The following RPS6KA1 variants were observed in gnomAD, a reference collection of about 807,000 sequenced individuals.
RPS6KA1 encodes the protein ribosomal protein S6 kinase alpha-1.
RPS6KA1 carries 48 observed loss-of-function variants against 91.3 expected under a neutral mutation model. The observed-to-expected ratio is 0.53, with a 90% CI of 0.42 to 0.67. The LOEUF (loss-of-function observed/expected upper bound fraction) is 0.67, where lower values mean the gene tolerates loss of function less well. Among genes scored for constraint, RPS6KA1 ranks in the 30% least tolerant of loss-of-function variants. The pLI is 0.00. For synonymous variants in RPS6KA1, 359 were observed against 384.7 expected, an observed-to-expected ratio of 0.93 and a Z score of 0.78; for missense variants, 719 against 960.5, an observed-to-expected ratio of 0.75 and a Z score of 3.32.
In RPS6KA1 at chr1:26,554,311, G is replaced by A; in HGVS notation, c.613+60G>A. ...GGGAGGACAGGACAAGGTCATGATA[G>A]GTCTCGGCTGAGTGCTGGGGGCTCA... is the stretch of plus-strand genomic sequence containing the variant. On this transcript the variant is annotated intron_variant, in intron 8 of 21. Transcript: ENST00000374168. This position sits in a 1 kb window ranked among gnomAD's most constrained non-coding sequence, Gnocchi z 4.6. 1.3e-6 allele frequency: 2 copies of A among 1,510,312 alleles called. No individual in the cohort carries two copies. Among genetic ancestry groups the A allele is most frequent in the Non-Finnish European group, 1.8e-6 (2 of 1,113,022 alleles). 93.6% of individuals were successfully genotyped at this position (1,510,312 alleles called of 1,614,324 possible). A position where few individuals can be genotyped will look rare whatever the true frequency, so the allele number is the denominator to read the frequency against.
intron 14 of RPS6KA1, among the ~76,000 whole-genome samples, chr1:26,560,475 T>C (rs2076143994): frequency 6.6e-6 from 1 of 152,230 alleles, no homozygotes. Context: ...TCCCACTCCC[T>C]ACACTGCCCT....
Position 26,574,187 on chromosome 1 carries a change from T to C in RPS6KA1, c.2194T>C (p.Ser732Pro). 6.2e-7 allele frequency: 1 copy of C among 1,614,062 alleles called. No homozygotes were observed. The highest frequency in any genetic ancestry group is 8.5e-7 in the Non-Finnish European group (1 of 1,180,016). The change falls in exon 22 of 22, where the codon TCC becomes CCC. Residue 732 changes from serine to proline, a missense_variant. Transcript: ENST00000374168. This position sits in a 1 kb window ranked among gnomAD's most constrained non-coding sequence, Gnocchi z 4.3. ...LAQRRVRKLP[S>P]TTL ...CCAGCGGCGAGTGAGGAAGTTGCCA[T>C]CCACCACCCTGTGAGGCACCAGGGC...
intron 4 of RPS6KA1, among the ~76,000 whole-genome samples, chr1:26,548,335 G>A (rs1208957880): frequency 6.6e-6 from 1 of 152,164 alleles, no homozygotes; most frequent in African/African-American, 2.4e-5. Flanking sequence ...CTGGGGAGCT[G>A]GGAGTGGTGG....
chr1:26,554,568 G>A lies in RPS6KA1; in HGVS notation c.614-28G>A, dbSNP rs1312493828. 2 of 1,598,602 alleles carry A rather than the reference G, an allele frequency of 1.3e-6. No homozygotes were observed. The highest frequency in any genetic ancestry group is 1.7e-6 in the Non-Finnish European group (2 of 1,169,154). ...CAGCAAGGAAGGCAGGGGTCCTAAG[G>A]TGTGTCCTCCTGCCCTCCTTGCTGT... On this transcript the variant is annotated intron_variant, in intron 8 of 21. Coordinates refer to ENST00000374168, the MANE Select transcript of RPS6KA1 (RefSeq NM_002953.4). The surrounding 1 kb of genome is among the most constrained non-coding windows in gnomAD (Gnocchi z 4.6).
At chr1:26,545,940 G>T in intron 2 of RPS6KA1, 1 of 1,597,868 alleles carries the variant, frequency 6.3e-7, no homozygotes, top group East Asian at 2.3e-5. Flanking sequence ...GCGGCTCTGG[G>T]CCCTGATCCC....
intron 4 of RPS6KA1, among the ~76,000 whole-genome samples, chr1:26,548,800 A>T (rs1254652992): frequency 6.6e-6 from 1 of 151,652 alleles, no homozygotes; most frequent in Admixed American, 6.6e-5. Context: ...ACTCCATCTC[A>T]GAAAAAAAAA....
At chr1:26,534,341 A>G (rs940770253) in intron 1 of RPS6KA1, among the ~76,000 whole-genome samples, 2 of 152,180 alleles carry the variant, frequency 1.3e-5, no homozygotes, top group Admixed American at 6.5e-5. Flanking sequence ...TGGACAAGCC[A>G]TGGCCCCTTC....
chr1:26,560,065 A>G (rs2076140788), intron 14 of RPS6KA1, among the ~76,000 whole-genome samples: 1 of 152,238 alleles, frequency 6.6e-6, no homozygotes, highest in Non-Finnish European at 1.5e-5. Flanking sequence ...GTCTCAAAAA[A>G]TAAATAAATA....
intron 4 of RPS6KA1, among the ~76,000 whole-genome samples, chr1:26,548,122 G>C (rs1356641559): frequency 6.6e-6 from 1 of 152,108 alleles, no homozygotes; most frequent in African/African-American, 2.4e-5. Context: ...GGACGTTATG[G>C]GTGGCTTTGG....
chr1:26,553,461 G>A lies in RPS6KA1; in HGVS notation c.539G>A (p.Ser180Asn). The change falls in exon 7 of 22, where the codon AGC (serine) becomes AAC (asparagine). Residue 180 changes from serine (S) to asparagine (N), a missense_variant. Physicochemically the swap from Ser to Asn is conservative, Grantham distance 46. Around this residue, in one of 5 missense-constraint regions of RPS6KA1, gnomAD observed 159 missense variants for 264.5 expected, o/e 0.60. Transcript: ENST00000374168. ...GCTCTGGGCCTGGATCACCTGCACA[G>A]CCTGGGTATCATTTACAGAGACCTC... Reference protein sequence around the residue: ...ELALGLDHLHSLGIIYRDLKP... With the variant: ...ELALGLDHLHNLGIIYRDLKP... 6.2e-7 allele frequency: 1 copy of A among 1,612,828 alleles called. No individual in the cohort carries two copies. The highest frequency in any genetic ancestry group is 8.5e-7 in the Non-Finnish European group (1 of 1,179,204).
intron 2 of RPS6KA1, among the ~76,000 whole-genome samples, chr1:26,542,544 GC>G (rs1436944354): frequency 6.6e-6 from 1 of 152,206 alleles, no homozygotes; most frequent in African/African-American, 2.4e-5. Context: ...GTCAACCCCT[GC>G]CCCATAGCTG....
intron 17 of RPS6KA1, among the ~76,000 whole-genome samples, chr1:26,568,256 C>A (rs909487982): frequency 6.6e-6 from 1 of 152,162 alleles, no homozygotes; most frequent in East Asian, 1.9e-4. Flanking sequence ...ATTTTCCATG[C>A]GGTGAGATGT....
rs1183374675 is a variant in RPS6KA1, at chr1:26,574,713, G to A, written c.*512G>A. 60 of 335,646 alleles carry A rather than the reference G, an allele frequency of 1.8e-4. No individual in the cohort carries two copies. In the Admixed American group the frequency reaches 2.2e-3, roughly 12 times the overall value. The allele number at this position is 335,646 out of a possible 1,614,324, so 20.8% of individuals were successfully genotyped here. ...TCTATCCCCAATCAGCTCCTTTTCCGTTCTGTTCTGCTGGGAGTTCTAGAA... is the reference window on the plus strand; with the variant it reads ...TCTATCCCCAATCAGCTCCTTTTCCATTCTGTTCTGCTGGGAGTTCTAGAA... On this transcript the variant is annotated 3_prime_UTR_variant, in exon 22 of 22. Transcript: ENST00000374168. The surrounding 1 kb of genome is among the most constrained non-coding windows in gnomAD (Gnocchi z 4.3).
intron 2 of RPS6KA1, among the ~76,000 whole-genome samples, chr1:26,545,347 T>TG (rs1215594162): frequency 6.7e-6 from 1 of 149,556 alleles, no homozygotes; most frequent in East Asian, 2.0e-4. Context: ...TTTTTTTTTT[T>TG]TTGTATTTTT....
intron 17 of RPS6KA1, among the ~76,000 whole-genome samples, chr1:26,562,836 T>G (rs1570455165): frequency 7.2e-6 from 1 of 138,822 alleles, no homozygotes; most frequent in Admixed American, 7.2e-5. Context: ...TTTTTTTTTT[T>G]TTTTTTTTTT....
intron 20 of RPS6KA1, 113 bp downstream of exon 20, chr1:26,572,406 A>C: frequency 2.8e-6 from 2 of 715,812 alleles, no homozygotes; most frequent in East Asian, 2.6e-5. Context: ...TGTTCCACAA[A>C]TCCCTGTTGC....
intron 2 of RPS6KA1, among the ~76,000 whole-genome samples, chr1:26,541,036 C>T (rs2075942966): frequency 6.6e-6 from 1 of 151,998 alleles, no homozygotes; most frequent in South Asian, 2.1e-4. Flanking sequence ...GTGATCCGCC[C>T]ACCTCGGTCT....
At chr1:26,542,213 G>A (rs923681080) in intron 2 of RPS6KA1, among the ~76,000 whole-genome samples, 2 of 152,222 alleles carry the variant, frequency 1.3e-5, no homozygotes, top group East Asian at 1.9e-4. Context: ...GGGACCAGGG[G>A]TTGGTAGGGA....
chr1:26,572,065 G>T, intron 19 of RPS6KA1, 111 bp from the exon 20 acceptor site: 1 of 1,302,720 alleles, frequency 7.7e-7, no homozygotes, highest in Admixed American at 1.7e-5. Context: ...GCCTCCAGGA[G>T]CTCTACCTTG....
Sources: gnomAD v4.1 joint callset for allele counts (sites outside exome capture counted in the v4.1 genomes callset) on GRCh38, gnomAD v4.1.1 for gene constraint, gnomAD v4.1.1 regional missense constraint, Gnocchi (gnomAD v3.1) non-coding constraint, MANE v1.5 for transcripts, NCBI Gene and HGNC (gene_info 2026-07-23, HGNC 2026-07-21) for gene names.